CRTC1: variants seen among roughly 807,000 people sequenced by gnomAD.
The protein encoded by CRTC1 is CREB-regulated transcription coactivator 1.
CRTC1 carries 18 observed loss-of-function variants against 66.1 expected under a neutral mutation model. That is an observed-to-expected ratio of 0.27 (90% CI 0.19 to 0.40). CRTC1 has a LOEUF of 0.40. Ranked by LOEUF, CRTC1 falls within the 10% of genes least tolerant of loss-of-function variation. The pLI is 1.00. For missense variants in CRTC1, 669 were observed against 887.9 expected, an observed-to-expected ratio of 0.75 and a Z score of 3.13; for synonymous variants, 416 against 398.8, an observed-to-expected ratio of 1.04 and a Z score of -0.51.
At chr19:18,764,732 C>T (rs1298115792) in intron 8 of CRTC1, among the ~76,000 whole-genome samples, 4 of 152,302 alleles carry the variant, frequency 2.6e-5, no homozygotes, top group South Asian at 2.1e-4. Context: ...TTGGGGAATG[C>T]ACCAGGTCTG....
rs191491222 is a variant in CRTC1, at chr19:18,760,179, C to A, written c.837C>A (p.Gly279=). Residue 279 remains glycine (G), a synonymous_variant, in exon 8 of 14, where the codon GGC becomes GGA. Transcript: ENST00000321949. This position sits in a 1 kb window ranked among gnomAD's most constrained non-coding sequence, Gnocchi z 6.2. The part of the protein sequence containing the change: ...FPALSSSSST[G]NLAANLTHLG... ...CACTGAGCAGCTCCAGCAGCACCGG[C>A]AACCTCGCGGCCAACCTGACGCACC... The A allele has an allele frequency of 1.2e-6, 2 of 1,613,390 alleles. No homozygotes were observed. Among genetic ancestry groups the A allele is most frequent in the African/African-American group, 2.7e-5 (2 of 75,024 alleles).
chr19:18,717,833 C>G (rs577941061), intron 1 of CRTC1, among the ~76,000 whole-genome samples: 14 of 151,838 alleles, frequency 9.2e-5, no homozygotes, highest in Non-Finnish European at 1.8e-4. Context: ...CACGGGGGTG[C>G]GTGTGTGAGG....
intron 1 of CRTC1, among the ~76,000 whole-genome samples, chr19:18,713,492 C>A (rs1240835834): frequency 7.2e-6 from 1 of 139,322 alleles, no homozygotes; most frequent in Non-Finnish European, 1.6e-5. Flanking sequence ...GACCAGTTTT[C>A]TAAGCTCCTT....
intron 10 of CRTC1, among the ~76,000 whole-genome samples, chr19:18,770,349 C>A (rs1260963284): frequency 6.6e-6 from 1 of 152,160 alleles, no homozygotes; most frequent in Non-Finnish European, 1.5e-5. Context: ...ATAACCCAGG[C>A]AGGTTTGTCC....
intron 3 of CRTC1, among the ~76,000 whole-genome samples, chr19:18,746,743 CCACAGGCCCTACTTT>C (rs974004917): frequency 9.2e-5 from 14 of 152,184 alleles, no homozygotes; most frequent in African/African-American, 3.4e-4. Context: ...CACAGCGTCC[CCACAGGCCCTACTTT>C]CACAGCCCAG....
intron 11 of CRTC1, among the ~76,000 whole-genome samples, chr19:18,772,171 C>T (rs2145855328): frequency 6.6e-6 from 1 of 152,288 alleles, no homozygotes; most frequent in East Asian, 1.9e-4. Context: ...CTGGCTTGCT[C>T]ACGCCCCAGC....
chr19:18,689,691 T>A (rs1317629333), intron 1 of CRTC1, among the ~76,000 whole-genome samples: 1 of 149,114 alleles, frequency 6.7e-6, no homozygotes, highest in African/African-American at 2.5e-5. Context: ...CAGTAATAGT[T>A]CATGTCATAT....
chr19:18,750,828 TGGAACACCCAG>T (rs1265789777), intron 5 of CRTC1, among the ~76,000 whole-genome samples: 1 of 152,212 alleles, frequency 6.6e-6, no homozygotes. Context: ...ATGAGGCTTC[TGGAACACCCAG>T]GGGTGCTGAG....
rs1266972250 is a variant in CRTC1 at position 18,771,069 on chromosome 19, G to GCAC, written c.1321-373_1321-372insCAC. On this transcript the variant is annotated intron_variant, in intron 10 of 13. Transcript: ENST00000321949. The surrounding 1 kb of genome is among the most constrained non-coding windows in gnomAD (Gnocchi z 4.6). ...GTGTGGGTATGTATATTCTAGTGTG[G>GCAC]ATATGTGTACACGTGGGTATGTCTG... Among the ~76,000 whole-genome samples the GCAC allele has an allele frequency of 1.3e-5, 2 of 151,702 alleles. No homozygotes were observed. The highest frequency in any genetic ancestry group is 2.4e-5 in the African/African-American group (1 of 41,270).
intron 1 of CRTC1, among the ~76,000 whole-genome samples, chr19:18,691,705 C>T (rs1031880653): frequency 6.6e-6 from 1 of 151,642 alleles, no homozygotes; most frequent in African/African-American, 2.4e-5. Flanking sequence ...CATGGGCCTG[C>T]CGGTGCCTCT....
intron 1 of CRTC1, among the ~76,000 whole-genome samples, chr19:18,707,258 G>A (rs556481870): frequency 4.8e-4 from 73 of 152,204 alleles, no homozygotes; most frequent in Non-Finnish European, 1.2e-4. Context: ...TCTTTGATCC[G>A]TCTTGAGTTA....
chr19:18,776,056 TAG>T (rs1362650011), intron 13 of CRTC1, among the ~76,000 whole-genome samples: 18 of 152,196 alleles, frequency 1.2e-4, no homozygotes, highest in African/African-American at 4.3e-4. Flanking sequence ...GTGCATAGGA[TAG>T]AGACGGTCAC....
chr19:18,749,880 G>A lies in CRTC1; in HGVS notation c.538+5G>A, dbSNP rs1157192308. 5.6e-6 allele frequency: 9 copies of A among 1,612,040 alleles called. No homozygotes were observed. In the East Asian group the frequency reaches 6.7e-5, roughly 12 times the overall value. The stretch of plus-strand genomic sequence containing the variant: ...AGGACGTGCACCAGAAAAGAGGTAT[G>A]GACAGGGGACTCGGGTGTCTCTGCT... On this transcript the variant is annotated splice_donor_5th_base_variant and intron_variant, in intron 5 of 13. Transcript: ENST00000321949.
intron 1 of CRTC1, among the ~76,000 whole-genome samples, chr19:18,724,308 G>A (rs916301666): frequency 1.3e-5 from 2 of 152,068 alleles, no homozygotes; most frequent in Non-Finnish European, 2.9e-5. Context: ...TAGAGGTGAT[G>A]GGTTGTTGCT....
chr19:18,734,227 T>G (rs938950916), intron 1 of CRTC1, among the ~76,000 whole-genome samples: 3 of 152,014 alleles, frequency 2.0e-5, no homozygotes, highest in African/African-American at 7.3e-5. Context: ...ATGGAGTGAT[T>G]GAAATGTTCT....
chr19:18,715,259 G>A (rs1441977961), intron 1 of CRTC1, among the ~76,000 whole-genome samples: 1 of 151,914 alleles, frequency 6.6e-6, no homozygotes, highest in Non-Finnish European at 1.5e-5. Flanking sequence ...ACAGAGACTC[G>A]CTTTGCCACC....
intron 1 of CRTC1, among the ~76,000 whole-genome samples, chr19:18,731,784 G>C (rs536426811): frequency 6.6e-6 from 1 of 152,168 alleles, no homozygotes; most frequent in African/African-American, 2.4e-5. Flanking sequence ...CTTCCTGCTC[G>C]TCACACCTCG....
chr19:18,777,175 A>G lies in CRTC1; in HGVS notation c.1698A>G (p.Thr566=). The G allele has an allele frequency of 5.2e-6, 6 of 1,154,340 alleles. No individual in the cohort carries two copies. Among genetic ancestry groups the G allele is most frequent in the Non-Finnish European group, 6.1e-6 (5 of 821,028 alleles). 71.5% of individuals were successfully genotyped at this position (1,154,340 alleles called of 1,614,324 possible). A position where few individuals can be genotyped will look rare whatever the true frequency, so the allele number is the denominator to read the frequency against. ...SGIPNIILTV[T]GESPPSLSKE... ...TGTCCCCACCCCATCCCCCAGTGAC[A>G]GGAGAGTCCCCCCCCAGCCTCTCTA... The change falls in exon 14 of 14, where the codon ACA becomes ACG. Residue 566 remains threonine (T), a synonymous_variant. Transcript: ENST00000321949. This position sits in a 1 kb window ranked among gnomAD's most constrained non-coding sequence, Gnocchi z 5.5.
At chr19:18,687,011 C>T (rs1483987699) in intron 1 of CRTC1, among the ~76,000 whole-genome samples, 2 of 103,424 alleles carry the variant, frequency 1.9e-5, no homozygotes, top group Non-Finnish European at 3.7e-5. Flanking sequence ...GACTGAGAAA[C>T]TTTTTTTTTT....
Sources: gnomAD v4.1 joint callset for allele counts (sites outside exome capture counted in the v4.1 genomes callset) on GRCh38, gnomAD v4.1.1 for gene constraint, Gnocchi (gnomAD v3.1) non-coding constraint, MANE v1.5 for transcripts, NCBI Gene and HGNC (gene_info 2026-07-23, HGNC 2026-07-21) for gene names.